SPATA16: variants seen among roughly 807,000 people sequenced by gnomAD.
SPATA16 encodes spermatogenesis-associated protein 16.
SPATA16 carries 36 observed loss-of-function variants against 63.3 expected under a neutral mutation model. That is an observed-to-expected ratio of 0.57 (90% confidence interval 0.44 to 0.75). The LOEUF (loss-of-function observed/expected upper bound fraction) is 0.75. Ranked by LOEUF, SPATA16 falls within the 30% of genes least tolerant of loss-of-function variation. The probability of loss-of-function intolerance (pLI) is 0.00; values close to 1 mark genes in which losing one functional copy is unlikely to be tolerated. For missense variants in SPATA16, 646 were observed against 679.3 expected, an observed-to-expected ratio of 0.95 and a Z score of 0.54; for synonymous variants, 203 against 216.7, an observed-to-expected ratio of 0.94 and a Z score of 0.56.
intron 10 of SPATA16, among the ~76,000 whole-genome samples, chr3:172,895,096 G>A (rs1027293151): frequency 6.6e-6 from 1 of 152,170 alleles, no homozygotes; most frequent in East Asian, 1.9e-4. Context: ...ACACACATCA[G>A]TAAAAAGAAA....
At chr3:172,928,193 G>A (rs1019034872) in intron 6 of SPATA16, among the ~76,000 whole-genome samples, 2 of 152,202 alleles carry the variant, frequency 1.3e-5, no homozygotes, top group African/African-American at 2.4e-5. Flanking sequence ...ATAGGCATGA[G>A]CCACTGCACC....
chr3:173,083,585 C>A (rs1263580726), intron 2 of SPATA16, among the ~76,000 whole-genome samples: 1 of 152,118 alleles, frequency 6.6e-6, no homozygotes, highest in Non-Finnish European at 1.5e-5. Context: ...CACAGATCAT[C>A]CCATCTCCTA....
chr3:173,116,647 C>T (rs773093342), intron 2 of SPATA16, among the ~76,000 whole-genome samples: 5 of 152,062 alleles, frequency 3.3e-5, no homozygotes, highest in Non-Finnish European at 5.9e-5. Flanking sequence ...ATAAGTATCA[C>T]GTATAAATTA....
At chr3:173,026,489 TA>T (rs1396245984) in intron 3 of SPATA16, among the ~76,000 whole-genome samples, 1 of 151,930 alleles carries the variant, frequency 6.6e-6, no homozygotes, top group Non-Finnish European at 1.5e-5. Context: ...CTTTAAAATA[TA>T]CTATTTAAGA....
rs1335907503 is a variant in SPATA16, at chr3:172,947,291, ACT to A, written c.1081+9384_1081+9385del. On this transcript the variant is annotated intron_variant, in intron 6 of 10. Coordinates refer to ENST00000351008, the MANE Select transcript of SPATA16 (RefSeq NM_031955.6). ...GACAACAATAAACACTTCTTTAATA[ACT>A]CTTCAAATAAACTCTTTATGCCCAG... Among the ~76,000 whole-genome samples, 5 of 152,084 alleles carry A rather than the reference ACT, an allele frequency of 3.3e-5. No individual in the cohort carries two copies. The South Asian group carries it at 6.2e-4, about 19-fold the overall frequency.
At chr3:173,076,214 G>T (rs1010373175) in intron 2 of SPATA16, among the ~76,000 whole-genome samples, 4 of 151,890 alleles carry the variant, frequency 2.6e-5, no homozygotes, top group Non-Finnish European at 4.4e-5. Flanking sequence ...GGCATGTCTC[G>T]CTATCTTTTA....
chr3:173,035,698 G>C (rs1735701404), intron 3 of SPATA16, among the ~76,000 whole-genome samples: 2 of 152,078 alleles, frequency 1.3e-5, no homozygotes, highest in Admixed American at 1.3e-4. Flanking sequence ...CAAGGATGCT[G>C]TGAAAAAGTA....
chr3:172,962,030 A>T (rs1733798084), intron 5 of SPATA16, among the ~76,000 whole-genome samples: 2 of 152,116 alleles, frequency 1.3e-5, no homozygotes, highest in Non-Finnish European at 2.9e-5. Context: ...AGGCAGGCAG[A>T]TCATATGAGG....
At chr3:173,091,409 T>C (rs1162226522) in intron 2 of SPATA16, among the ~76,000 whole-genome samples, 1 of 152,168 alleles carries the variant, frequency 6.6e-6, no homozygotes, top group African/African-American at 2.4e-5. Flanking sequence ...GAAATTATTT[T>C]GTCTGCTTTC....
At chr3:173,016,960 G>A (rs191708200) in intron 4 of SPATA16, among the ~76,000 whole-genome samples, 1 of 151,250 alleles carries the variant, frequency 6.6e-6, no homozygotes, top group Admixed American at 6.6e-5. Context: ...GTTACAGTGA[G>A]CGCTGAGACT....
At chr3:172,934,850 C>G (rs1732944748) in intron 6 of SPATA16, among the ~76,000 whole-genome samples, 1 of 152,128 alleles carries the variant, frequency 6.6e-6, no homozygotes, top group Admixed American at 6.5e-5. Flanking sequence ...TTAGATATTG[C>G]TATCCACTCT....
intron 4 of SPATA16, among the ~76,000 whole-genome samples, chr3:172,999,680 C>G (rs1001526738): frequency 6.6e-6 from 1 of 152,180 alleles, no homozygotes; most frequent in South Asian, 2.1e-4. Flanking sequence ...TCCCAAAGTG[C>G]TGGGATTACA....
chr3:173,043,069 A>G (rs985697225), intron 3 of SPATA16, among the ~76,000 whole-genome samples: 1 of 152,042 alleles, frequency 6.6e-6, no homozygotes, highest in Non-Finnish European at 1.5e-5. Flanking sequence ...CTTTATATAG[A>G]TAGCATTTAG....
At chr3:173,102,138 A>G (rs554696148) in intron 2 of SPATA16, among the ~76,000 whole-genome samples, 13 of 152,226 alleles carry the variant, frequency 8.5e-5, no homozygotes, top group Non-Finnish European at 1.6e-4. Context: ...CTCACCTCCT[A>G]TATAATTTCT....
rs558353982 is a variant in SPATA16, at chr3:172,979,786, T to C, written c.849-2734A>G. Among the ~76,000 whole-genome samples, 38 of 152,318 alleles carry C rather than the reference T, an allele frequency of 2.5e-4. No homozygotes were observed. The South Asian group carries it at 2.7e-3, about 11-fold the overall frequency. On this transcript the variant is annotated intron_variant, in intron 4 of 10. Transcript: ENST00000351008. ...ATATTGAAACCATGAAGAATTAAGA[T>C]GCATTGAAATTCCTTACCTGCCATA...
chr3:173,045,803 T>C (rs1735944294), intron 3 of SPATA16, among the ~76,000 whole-genome samples: 1 of 152,142 alleles, frequency 6.6e-6, no homozygotes, highest in South Asian at 2.1e-4. Flanking sequence ...ATGTATTTTC[T>C]ATTTATAACT....
Position 172,928,013 on chromosome 3 carries a change from A to T in SPATA16, c.1082-2521T>A, listed in dbSNP as rs1307640124. On this transcript the variant is annotated intron_variant, in intron 6 of 10. Transcript: ENST00000351008. ...CAAACTCCGCCTCCTGGGTTCAAGC[A>T]ATTCTCCTGCCTCAGCCTCCCGAGT... 2.0e-5 allele frequency among the ~76,000 whole-genome samples: 3 copies of T among 151,816 alleles called. No homozygotes were observed. In the East Asian group the frequency reaches 5.8e-4, roughly 29 times the overall value.
intron 2 of SPATA16, among the ~76,000 whole-genome samples, chr3:173,062,016 C>T (rs186561793): frequency 2.0e-5 from 3 of 150,726 alleles, no homozygotes; most frequent in East Asian, 3.9e-4. Context: ...ACTCCTACTC[C>T]TATTTGTTAA....
At chr3:173,063,611 A>G (rs1344326652) in intron 2 of SPATA16, among the ~76,000 whole-genome samples, 1 of 152,192 alleles carries the variant, frequency 6.6e-6, no homozygotes. Context: ...ACAAAAGTTA[A>G]TATTTTTAGG....
Sources: gnomAD v4.1 joint callset for allele counts (sites outside exome capture counted in the v4.1 genomes callset) on GRCh38, gnomAD v4.1.1 for gene constraint, MANE v1.5 for transcripts, NCBI Gene and HGNC (gene_info 2026-07-23, HGNC 2026-07-21) for gene names.